Variants in JAKMIP2 observed in about 807,000 individuals in gnomAD.
JAKMIP2 encodes janus kinase and microtubule interacting protein 2, also known as janus kinase and microtubule-interacting protein 2.
JAKMIP2 carries 25 observed loss-of-function variants against 115.0 expected under a neutral mutation model. That is an observed-to-expected ratio of 0.22 (90% CI 0.16 to 0.30). The LOEUF (loss-of-function observed/expected upper bound fraction) is 0.30. Ranked by LOEUF, JAKMIP2 falls within the 10% of genes least tolerant of loss-of-function variation. The probability of loss-of-function intolerance (pLI) is 1.00; values close to 1 mark genes in which losing one functional copy is unlikely to be tolerated. For missense variants in JAKMIP2, 642 were observed against 957.6 expected (o/e 0.67, Z 4.35); for synonymous variants, 334 against 343.6 (o/e 0.97, Z 0.31).
intron 4 of JAKMIP2, among the ~76,000 whole-genome samples, chr5:147,649,885 A>G (rs1758312877): frequency 1.3e-5 from 2 of 152,190 alleles, no homozygotes; most frequent in Non-Finnish European, 2.9e-5. Context: ...GGTAAGTTCA[A>G]TCAGACAATA....
intron 9 of JAKMIP2, 51 bp from the exon 10 acceptor site, chr5:147,639,811 T>G (rs1170995679): frequency 6.3e-7 from 1 of 1,582,954 alleles, no homozygotes; most frequent in Non-Finnish European, 8.6e-7. Flanking sequence ...GTTCAGGTCC[T>G]GTTTTCAATG....
intron 1 of JAKMIP2, among the ~76,000 whole-genome samples, chr5:147,700,720 G>C (rs1200010751): frequency 3.3e-5 from 5 of 152,126 alleles, no homozygotes; most frequent in Admixed American, 2.6e-4. Flanking sequence ...CAATCTCTGA[G>C]GGAAAAAGCA....
intron 1 of JAKMIP2, among the ~76,000 whole-genome samples, chr5:147,707,262 G>T (rs1004728208): frequency 6.6e-6 from 1 of 151,912 alleles, no homozygotes; most frequent in Non-Finnish European, 1.5e-5. Context: ...TAGCATCCTC[G>T]CAATCTTCAC....
chr5:147,609,869 A>T (rs1756222849), intron 20 of JAKMIP2, among the ~76,000 whole-genome samples: 1 of 151,950 alleles, frequency 6.6e-6, no homozygotes, highest in African/African-American at 2.4e-5. Context: ...ATTTCTTAGA[A>T]GCTTTGTTCA....
At chr5:147,662,186 A>AC (rs397954149) in intron 2 of JAKMIP2, among the ~76,000 whole-genome samples, 4 of 151,522 alleles carry the variant, frequency 2.6e-5, no homozygotes, top group East Asian at 1.9e-4. Flanking sequence ...ACACACACAC[A>AC]AACAAAAAAC....
chr5:147,731,441 C>G (rs1216417952), intron 1 of JAKMIP2, among the ~76,000 whole-genome samples: 5 of 152,130 alleles, frequency 3.3e-5, no homozygotes, highest in Non-Finnish European at 7.3e-5. Context: ...CTTCTGAAGC[C>G]TTGGGAATAA....
chr5:147,602,268 A>G (rs902486906), intron 20 of JAKMIP2, among the ~76,000 whole-genome samples: 1 of 152,160 alleles, frequency 6.6e-6, no homozygotes, highest in Non-Finnish European at 1.5e-5. Flanking sequence ...TTTTTTGGTT[A>G]CTATGATAGG....
At chr5:147,723,636 T>C in intron 1 of JAKMIP2, among the ~76,000 whole-genome samples, 1 of 152,314 alleles carries the variant, frequency 6.6e-6, no homozygotes, top group Non-Finnish European at 1.5e-5. Flanking sequence ...ACAAGATGAC[T>C]CTCTTACTCT....
chr5:147,702,650 A>C (rs913759552), intron 1 of JAKMIP2, among the ~76,000 whole-genome samples: 6 of 111,996 alleles, frequency 5.4e-5, no homozygotes, highest in Admixed American at 9.0e-5. Flanking sequence ...GAAAGAAAGA[A>C]AGAAAGAAAG....
chr5:147,613,956 T>C (rs752812566), intron 19 of JAKMIP2, among the ~76,000 whole-genome samples: 2 of 152,216 alleles, frequency 1.3e-5, no homozygotes, highest in Non-Finnish European at 2.9e-5. Context: ...TGTGCTGGTG[T>C]ATATTTCCAT....
chr5:147,644,174 G>T lies in JAKMIP2; in HGVS notation c.1108C>A (p.Pro370Thr), dbSNP rs1212105175. 1.3e-6 allele frequency: 2 copies of T among 1,592,558 alleles called. No homozygotes were observed. The highest frequency in any genetic ancestry group is 2.3e-5 in the East Asian group (1 of 44,308). The stretch of plus-strand genomic sequence containing the variant: ...TTCAGAGATTTTAATTTCTTCAGGG[G>T]TGGATGGGATGTTATTTTTTCTCTC... Reference protein sequence around the residue: ...EMREKITSHPPLKKLKSLNDL... With the variant: ...EMREKITSHPTLKKLKSLNDL... Residue 370 changes from proline (P) to threonine (T), a missense_variant, in exon 7 of 22, where the codon CCC becomes ACC. Pro to Thr is a conservative substitution (Grantham distance 38, BLOSUM62 -1). Transcript: ENST00000616793.
At chr5:147,749,236 CA>C (rs879428733) in intron 1 of JAKMIP2, among the ~76,000 whole-genome samples, 2,085 of 142,520 alleles carry the variant, frequency 0.015, 47 homozygotes, top group African/African-American at 0.049. Context: ...ACAATAACAG[CA>C]AAAAAAAAAA....
intron 1 of JAKMIP2, among the ~76,000 whole-genome samples, chr5:147,746,293 T>C (rs1230966855): frequency 6.6e-6 from 1 of 152,106 alleles, no homozygotes; most frequent in East Asian, 1.9e-4. Context: ...AGTAGAGGTA[T>C]TCCCTCATCA....
chr5:147,765,484 T>A (rs1755122207), intron 1 of JAKMIP2, among the ~76,000 whole-genome samples: 2 of 152,140 alleles, frequency 1.3e-5, no homozygotes, highest in South Asian at 4.1e-4. Context: ...ATTTCCTGCA[T>A]ATCTTTATAG....
intron 21 of JAKMIP2, among the ~76,000 whole-genome samples, chr5:147,593,817 C>T (rs1389802638): frequency 6.6e-6 from 1 of 152,174 alleles, no homozygotes; most frequent in Non-Finnish European, 1.5e-5. Flanking sequence ...ACAAACACAA[C>T]ATTCTCCTAT....
At chr5:147,682,649 G>C (rs947970986) in intron 1 of JAKMIP2, among the ~76,000 whole-genome samples, 4 of 152,094 alleles carry the variant, frequency 2.6e-5, no homozygotes, top group African/African-American at 7.2e-5. Flanking sequence ...CCAGATCCAA[G>C]GAAAACACTG....
At chr5:147,715,277 A>G (rs78375177) in intron 1 of JAKMIP2, among the ~76,000 whole-genome samples, 3,683 of 152,102 alleles carry the variant, frequency 0.024, 99 homozygotes, top group East Asian at 0.11. Flanking sequence ...CAAAAAACAT[A>G]ATGAGGTAGT....
intron 10 of JAKMIP2, among the ~76,000 whole-genome samples, 166 bp from the exon 11 acceptor site, chr5:147,637,214 C>A (rs1032174975): frequency 1.3e-5 from 2 of 152,092 alleles, no homozygotes; most frequent in Non-Finnish European, 2.9e-5. Flanking sequence ...CTGTAGCATT[C>A]TTTATTTTCA....
rs1373295133 is a variant in JAKMIP2 at position 147,644,915 on chromosome 5, G to A, written c.1018C>T (p.Leu340=). ...TCCATGCGCTGCAAGGACACCATCAGTTCATCGTTTCTCTTGGCGAGGCAC... is the reference window on the plus strand; with the variant it reads ...TCCATGCGCTGCAAGGACACCATCAATTCATCGTTTCTCTTGGCGAGGCAC... ...NKCLAKRNDE[L]MVSLQRMEEK... The change falls in exon 6 of 22, where the codon CTG becomes TTG. Residue 340 remains leucine, a synonymous_variant. Coordinates refer to ENST00000616793, the MANE Select transcript of JAKMIP2 (RefSeq NM_001270941.2). 1 of 1,613,652 alleles carries A rather than the reference G, an allele frequency of 6.2e-7. No homozygotes were observed. Among genetic ancestry groups the A allele is most frequent in the African/African-American group, 1.3e-5 (1 of 74,874 alleles).
Sources: gnomAD v4.1 joint callset for allele counts (sites outside exome capture counted in the v4.1 genomes callset) on GRCh38, gnomAD v4.1.1 for gene constraint, MANE v1.5 for transcripts, NCBI Gene and HGNC (gene_info 2026-07-23, HGNC 2026-07-21) for gene names.